Variants in ADAMTS10 observed in about 807,000 individuals in gnomAD.
ADAMTS10 encodes the protein ADAM metallopeptidase with thrombospondin type 1 motif 10, also known as A disintegrin and metalloproteinase with thrombospondin motifs 10.
Under a neutral mutation model 135.9 loss-of-function variants are expected in ADAMTS10, and 48 were observed. That is an observed-to-expected ratio of 0.35 (90% CI 0.28 to 0.45). The LOEUF is 0.45. Ranked by LOEUF, ADAMTS10 falls within the 20% of genes least tolerant of loss-of-function variation. The pLI is 1.00. For synonymous variants in ADAMTS10, 621 were observed against 647.5 expected, an observed-to-expected ratio of 0.96 and a Z score of 0.62; for missense variants, 1,131 against 1,565.2, an observed-to-expected ratio of 0.72 and a Z score of 4.68.
intron 4 of ADAMTS10, among the ~76,000 whole-genome samples, chr19:8,604,400 ATG>A (rs1555742063): frequency 6.7e-6 from 1 of 149,486 alleles, no homozygotes; most frequent in South Asian, 2.1e-4. Context: ...ATATGTGTGT[ATG>A]TGTATAGTAT....
Position 8,595,833 on chromosome 19 carries a change from C to T in ADAMTS10, c.1408G>A (p.Gly470Ser). The T allele has an allele frequency of 6.2e-7, 1 of 1,614,192 alleles. No homozygotes were observed. The highest frequency in any genetic ancestry group is 1.1e-5 in the South Asian group (1 of 91,086). Residue 470 changes from glycine to serine, a missense_variant, in exon 12 of 26, where the codon GGC (glycine) becomes AGC (serine). By Grantham distance (56) the Gly-to-Ser change is moderately conservative (BLOSUM62 0). This residue lies in a region of ADAMTS10 where 745 missense variants were observed against 1,056.3 expected (regional missense o/e 0.71). Coordinates refer to ENST00000597188, the MANE Select transcript of ADAMTS10 (RefSeq NM_030957.4). ...TGCTCATCTGCATCGTAGGCTTGGCCCGGTGCCACTGTCGGGTACACAAAG... is the reference window on the plus strand; with the variant it reads ...TGCTCATCTGCATCGTAGGCTTGGCTCGGTGCCACTGTCGGGTACACAAAG... ...QDFVYPTVAP[G>S]QAYDADEQCR...
chr19:8,590,990 G>C (rs2042517548), intron 15 of ADAMTS10, among the ~76,000 whole-genome samples: 1 of 152,204 alleles, frequency 6.6e-6, no homozygotes, highest in South Asian at 2.1e-4. Flanking sequence ...GTTCCCCCCA[G>C]CTGGGAGGCT....
At chr19:8,609,983 GCA>G (rs1308739638) in intron 1 of ADAMTS10, among the ~76,000 whole-genome samples, 1 of 151,752 alleles carries the variant, frequency 6.6e-6, no homozygotes, top group Non-Finnish European at 1.5e-5. Context: ...ATTTACACGC[GCA>G]CACACGGGAC....
chr19:8,591,944 T>C lies in ADAMTS10; in HGVS notation c.1733+14A>G. The C allele has an allele frequency of 6.2e-7, 1 of 1,611,160 alleles. No homozygotes were observed. Among genetic ancestry groups the C allele is most frequent in the Admixed American group, 1.7e-5 (1 of 59,954 alleles). On this transcript the variant is annotated intron_variant, in intron 14 of 25. Coordinates refer to ENST00000597188, the MANE Select transcript of ADAMTS10 (RefSeq NM_030957.4). The stretch of plus-strand genomic sequence containing the variant: ...GTCGCGCTGCCCTCCCGGGTGGGGG[T>C]CCTGAGGGCTGACCTGGGGCTGTCG...
intron 13 of ADAMTS10, 134 bp downstream of exon 13, chr19:8,592,629 G>A (rs540897354): frequency 9.8e-6 from 9 of 918,522 alleles, no homozygotes; most frequent in Admixed American, 2.1e-5. Context: ...CCACAGCCGA[G>A]GGAGCACAAA....
At chr19:8,595,477 T>A (rs2042591302) in intron 12 of ADAMTS10, 1 of 464,068 alleles carries the variant, frequency 2.2e-6, no homozygotes. Flanking sequence ...CCACAGGGGG[T>A]GTGATGTGCC....
rs150041225 is a variant in ADAMTS10 at position 8,589,707 on chromosome 19, G to A, written c.1901-122C>T. 2.3e-4 allele frequency: 347 copies of A among 1,513,304 alleles called. 1 individual carries two copies. The Middle Eastern group carries it at 2.5e-3, about 11-fold the overall frequency. The allele number at this position is 1,513,304 out of a possible 1,614,324, so 93.7% of individuals were successfully genotyped here. On this transcript the variant is annotated intron_variant, in intron 16 of 25. Transcript: ENST00000597188. ...CCCAAGAGGAAGGGCAGCTTGGGCA[G>A]AGGGAGTGGGGGCTCCCAGCGTCAC...
chr19:8,589,403 C>T, intron 17 of ADAMTS10, 38 bp from the exon 18 acceptor site: 1 of 1,584,562 alleles, frequency 6.3e-7, no homozygotes, highest in African/African-American at 1.3e-5. Flanking sequence ...ACCCCCTAAC[C>T]CACCCCCGCT....
At chr19:8,610,241 C>G (rs1381381654) in intron 1 of ADAMTS10, among the ~76,000 whole-genome samples, 1 of 151,734 alleles carries the variant, frequency 6.6e-6, no homozygotes, top group African/African-American at 2.4e-5. Context: ...CAGAGACAAA[C>G]GCACACATGC....
Position 8,596,012 on chromosome 19 carries a change from C to T in ADAMTS10, c.1337+61G>A, listed in dbSNP as rs1198437278. 7.4e-6 allele frequency: 12 copies of T among 1,613,870 alleles called. No individual in the cohort carries two copies. Among genetic ancestry groups the T allele is most frequent in the East Asian group, 2.2e-5 (1 of 44,870 alleles). ...AGCATCCCTGATTTCTATCGTCTCC[C>T]GTGTACCCTGCCCCACCATGAGTGT... On this transcript the variant is annotated intron_variant, in intron 11 of 25. Transcript: ENST00000597188. This position sits in a 1 kb window ranked among gnomAD's most constrained non-coding sequence, Gnocchi z 7.2.
At chr19:8,607,722 G>A (rs2042735628) in intron 2 of ADAMTS10, among the ~76,000 whole-genome samples, 1 of 151,886 alleles carries the variant, frequency 6.6e-6, no homozygotes, top group African/African-American at 2.4e-5. Flanking sequence ...TCCCTCTAGT[G>A]ACGGGGAGCT....
intron 25 of ADAMTS10, 128 bp from the exon 26 acceptor site, chr19:8,581,130 C>CTTTCTTTTTTTTTTTTT (rs2042341800): frequency 2.9e-5 from 4 of 136,666 alleles, no homozygotes; most frequent in Non-Finnish European, 4.9e-5. Flanking sequence ...TTTAAATTTA[C>CTTTCTTTTTTTTTTTTT]TTTTTTTTTT....
chr19:8,600,475 TTCTG>T (rs148470942), intron 6 of ADAMTS10, among the ~76,000 whole-genome samples: 2 of 148,880 alleles, frequency 1.3e-5, no homozygotes, highest in East Asian at 2.0e-4. Flanking sequence ...TTCTCTTTCT[TTCTG>T]TCTTTTCTTT....
At position 8,600,709 on chromosome 19, in the gene ADAMTS10, A is replaced by T. The variant is rs557232889; in HGVS notation, c.810+219T>A. ...GAGATGGGGTTTCACCGTGTTAGCC[A>T]GGATGGTCTCCATCTCCTGACCTTG... is the stretch of plus-strand genomic sequence containing the variant. On this transcript the variant is annotated intron_variant, in intron 6 of 25. Transcript: ENST00000597188. 7.2e-5 allele frequency among the ~76,000 whole-genome samples: 11 copies of T among 152,058 alleles called. No individual in the cohort carries two copies. In the East Asian group the frequency reaches 1.4e-3, roughly 19 times the overall value.
chr19:8,591,950 G>A lies in ADAMTS10; in HGVS notation c.1733+8C>T. ...CTGCCCTCCCGGGTGGGGGTCCTGA[G>A]GGCTGACCTGGGGCTGTCGCAGTGA... On this transcript the variant is annotated splice_region_variant and intron_variant, in intron 14 of 25. Coordinates refer to ENST00000597188, the MANE Select transcript of ADAMTS10 (RefSeq NM_030957.4). 2.5e-6 allele frequency: 4 copies of A among 1,612,768 alleles called. No individual in the cohort carries two copies. The highest frequency in any genetic ancestry group is 1.1e-5 in the South Asian group (1 of 91,052).
rs183691340 is a variant in ADAMTS10 at position 8,589,270 on chromosome 19, G to C, written c.2130C>G (p.Gly710=). The change falls in exon 18 of 26, where the codon GGC becomes GGG. Residue 710 remains glycine, a synonymous_variant. Transcript: ENST00000597188. ...GDGSACETIE[G]VFSPASPGAG... Reference sequence around the variant, plus strand: ...CCCCAGGTGAGGCTGGGCTGAAGACGCCCTCGATGGTCTCGCAGGCACTGC... The same window carrying C: ...CCCCAGGTGAGGCTGGGCTGAAGACCCCCTCGATGGTCTCGCAGGCACTGC... The C allele has an allele frequency of 6.2e-7, 1 of 1,612,468 alleles. No homozygotes were observed. The highest frequency in any genetic ancestry group is 1.7e-5 in the Admixed American group (1 of 60,022).
chr19:8,596,477 A>G lies in ADAMTS10; in HGVS notation c.1084+65T>C. 1 of 1,612,124 alleles carries G rather than the reference A, an allele frequency of 6.2e-7. No individual in the cohort carries two copies. The highest frequency in any genetic ancestry group is 1.3e-5 in the African/African-American group (1 of 74,968). On this transcript the variant is annotated intron_variant, in intron 9 of 25. Coordinates refer to ENST00000597188, the MANE Select transcript of ADAMTS10 (RefSeq NM_030957.4). The surrounding 1 kb of genome is among the most constrained non-coding windows in gnomAD (Gnocchi z 7.2). ...AGGACGGTGCTGGCTGGCCCCATCC[A>G]CCTGCCAGGTCTCACCCCAGCCCAC...
chr19:8,595,787 A>G lies in ADAMTS10; in HGVS notation c.1454T>C (p.Val485Ala), dbSNP rs1358063336. ...CCCGTATTTACACTGACGCGATTTG[A>G]CTCCATGCTGAAAGCGGCATTGCTC... is the stretch of plus-strand genomic sequence containing the variant. Reference protein sequence around the residue: ...ADEQCRFQHGVKSRQCKYGEV... With the variant: ...ADEQCRFQHGAKSRQCKYGEV... The change falls in exon 12 of 26, where the codon GTC becomes GCC. Residue 485 changes from valine to alanine, a missense_variant. Around this residue, in one of 3 missense-constraint regions of ADAMTS10, gnomAD observed 745 missense variants for 1,056.3 expected, o/e 0.71. Coordinates refer to ENST00000597188, the MANE Select transcript of ADAMTS10 (RefSeq NM_030957.4). 1.3e-6 allele frequency: 2 copies of G among 1,580,848 alleles called. No homozygotes were observed. Among genetic ancestry groups the G allele is most frequent in the African/African-American group, 2.7e-5 (2 of 73,292 alleles).
chr19:8,596,881 T>C lies in ADAMTS10; in HGVS notation c.1040+106A>G. On this transcript the variant is annotated intron_variant, in intron 8 of 25. Transcript: ENST00000597188. This position sits in a 1 kb window ranked among gnomAD's most constrained non-coding sequence, Gnocchi z 7.2. Reference sequence around the variant, plus strand: ...CTCCCTCATGGGCAGCCCAAACTTCTCTGCTCCTCCTGACCCTAGCAGAAG... The same window carrying C: ...CTCCCTCATGGGCAGCCCAAACTTCCCTGCTCCTCCTGACCCTAGCAGAAG... 1 of 1,566,434 alleles carries C rather than the reference T, an allele frequency of 6.4e-7. No individual in the cohort carries two copies. Among genetic ancestry groups the C allele is most frequent in the Non-Finnish European group, 8.7e-7 (1 of 1,154,816 alleles).
Sources: allele counts gnomAD v4.1 joint callset (sites outside exome capture counted in the v4.1 genomes callset), GRCh38; gene constraint gnomAD v4.1.1; regional missense constraint gnomAD v4.1.1; non-coding constraint Gnocchi (gnomAD v3.1); transcripts MANE v1.5; gene names NCBI Gene and HGNC (gene_info 2026-07-23, HGNC 2026-07-21).